The following PDE4D variants were observed in gnomAD, a reference collection of about 807,000 sequenced individuals.
The protein encoded by PDE4D is 3',5'-cyclic-AMP phosphodiesterase 4D.
PDE4D carries 24 observed loss-of-function variants against 87.4 expected under a neutral mutation model. The ratio of observed to expected loss-of-function variants is 0.27; its 90% confidence interval spans 0.20 to 0.39. The LOEUF is 0.39. Ranked by LOEUF, PDE4D falls within the 10% of genes least tolerant of loss-of-function variation. The pLI is 1.00. For synonymous variants in PDE4D, 384 were observed against 383.2 expected (o/e 1.00, Z -0.02); for missense variants, 714 against 1,041.0 (o/e 0.69, Z 4.32).
intron 1 of PDE4D, among the ~76,000 whole-genome samples, chr5:60,382,475 C>A (rs1761929230): frequency 6.6e-6 from 1 of 152,118 alleles, no homozygotes; most frequent in Admixed American, 6.6e-5. Flanking sequence ...TCAACTCAAG[C>A]CACTCACTTT....
chr5:59,117,652 G>A (rs78671752), intron 5 of PDE4D, among the ~76,000 whole-genome samples: 32 of 152,180 alleles, frequency 2.1e-4, no homozygotes, highest in East Asian at 7.7e-4. Flanking sequence ...CTGCAGAATC[G>A]CTGTTGCAGG....
At chr5:60,442,201 C>CTT (rs1157550886) in intron 1 of PDE4D, among the ~76,000 whole-genome samples, 2 of 152,110 alleles carry the variant, frequency 1.3e-5, no homozygotes, top group Non-Finnish European at 1.5e-5. Context: ...AAATGCCCAT[C>CTT]AATGATAGAC....
chr5:59,277,169 C>T (rs940369906), intron 1 of PDE4D, among the ~76,000 whole-genome samples: 2 of 152,238 alleles, frequency 1.3e-5, no homozygotes, highest in African/African-American at 2.4e-5. Flanking sequence ...AAATGTAGTA[C>T]GGCATCCGCC....
At chr5:59,099,298 G>T (rs1049910619) in intron 5 of PDE4D, among the ~76,000 whole-genome samples, 18 of 152,298 alleles carry the variant, frequency 1.2e-4, no homozygotes, top group East Asian at 1.2e-3. Context: ...TGATCTATCA[G>T]TAAAGATCCG....
intron 1 of PDE4D, among the ~76,000 whole-genome samples, chr5:59,614,490 T>G (rs1829408896): frequency 6.6e-6 from 1 of 152,220 alleles, no homozygotes; most frequent in Non-Finnish European, 1.5e-5. Flanking sequence ...TTGCTTCTAT[T>G]ATTGCATACA....
chr5:59,736,353 A>G (rs6450528), intron 1 of PDE4D, among the ~76,000 whole-genome samples: 73,592 of 151,938 alleles, frequency 0.48, 18,490 homozygotes, highest in African/African-American at 0.55. Context: ...ATTCTGGGGC[A>G]CTGTAACTTG....
chr5:60,016,581 C>T (rs1042309510), intron 2 of PDE4D, among the ~76,000 whole-genome samples: 19 of 152,174 alleles, frequency 1.2e-4, no homozygotes, highest in Non-Finnish European at 2.2e-4. Flanking sequence ...CCTGCCACTG[C>T]TTTATCAAGT....
chr5:59,652,801 C>T (rs767295557), intron 1 of PDE4D, among the ~76,000 whole-genome samples: 5 of 151,720 alleles, frequency 3.3e-5, no homozygotes, highest in Non-Finnish European at 7.4e-5. Context: ...GATCTTATTG[C>T]ATGTTTTTTT....
At chr5:60,314,680 C>T (rs970175111) in intron 1 of PDE4D, among the ~76,000 whole-genome samples, 1 of 151,240 alleles carries the variant, frequency 6.6e-6, no homozygotes, top group Non-Finnish European at 1.5e-5. Context: ...TGTTTCCCTT[C>T]CTGTGTCCAT....
intron 3 of PDE4D, among the ~76,000 whole-genome samples, chr5:59,186,723 C>T (rs1163643119): frequency 6.6e-6 from 1 of 152,166 alleles, no homozygotes; most frequent in Non-Finnish European, 1.5e-5. Context: ...GGAGTTAATG[C>T]TGCTTCCTAA....
At chr5:60,141,030 T>C (rs1216556607) in intron 2 of PDE4D, among the ~76,000 whole-genome samples, 3 of 152,114 alleles carry the variant, frequency 2.0e-5, no homozygotes, top group Non-Finnish European at 4.4e-5. Context: ...ATGAAGACAA[T>C]TATAATTATC....
chr5:59,404,855 C>A (rs758408199), intron 1 of PDE4D, among the ~76,000 whole-genome samples: 3 of 152,124 alleles, frequency 2.0e-5, no homozygotes, highest in Non-Finnish European at 2.9e-5. Context: ...TTTCCCAGAA[C>A]CATTTATTGA....
Position 58,984,051 on chromosome 5 carries a change from CTTACAGCT to C in PDE4D, c.1552+4434_1552+4441del, listed in dbSNP as rs1437076230. Among the ~76,000 whole-genome samples the C allele has an allele frequency of 5.6e-5, 8 of 142,338 alleles. No individual in the cohort carries two copies. In the East Asian group the frequency reaches 1.5e-3, roughly 26 times the overall value. 93.4% of individuals were successfully genotyped at this position (142,338 alleles called of 152,430 possible). A position where few individuals can be genotyped will look rare whatever the true frequency, so the allele number is the denominator to read the frequency against. The stretch of plus-strand genomic sequence containing the variant: ...GTAAGTAAGACTTACACTCACTGTT[CTTACAGCT>C]TTACTAGGCTTAGCCTTGAGTTAGT... On this transcript the variant is annotated intron_variant, in intron 11 of 14. Coordinates refer to ENST00000340635, the MANE Select transcript of PDE4D (RefSeq NM_001104631.2).
chr5:59,407,874 G>T (rs1791971338), intron 1 of PDE4D, among the ~76,000 whole-genome samples: 1 of 152,152 alleles, frequency 6.6e-6, no homozygotes, highest in Non-Finnish European at 1.5e-5. Context: ...AATAACCTAT[G>T]CTCAGATGCA....
chr5:59,463,154 A>C (rs942332865), intron 1 of PDE4D, among the ~76,000 whole-genome samples: 1 of 152,230 alleles, frequency 6.6e-6, no homozygotes, highest in African/African-American at 2.4e-5. Context: ...TATGTGTTAC[A>C]TAAATTGCTG....
chr5:59,146,166 A>G (rs1417431090), intron 5 of PDE4D, among the ~76,000 whole-genome samples: 1 of 152,086 alleles, frequency 6.6e-6, no homozygotes, highest in African/African-American at 2.4e-5. Context: ...CACACCCAAT[A>G]TCTTGTTCTT....
chr5:60,369,831 A>T (rs1561174860), intron 1 of PDE4D, among the ~76,000 whole-genome samples: 1 of 151,570 alleles, frequency 6.6e-6, no homozygotes, highest in African/African-American at 2.4e-5. Context: ...ATGCACACAC[A>T]AAAAAAAATC....
At chr5:59,697,256 A>T (rs1215175943) in intron 1 of PDE4D, among the ~76,000 whole-genome samples, 5 of 152,252 alleles carry the variant, frequency 3.3e-5, no homozygotes. Context: ...TAGTCCCTGA[A>T]TTTATGTGCT....
At chr5:59,596,941 TGGCAATTACAG>T (rs1222358933) in intron 1 of PDE4D, among the ~76,000 whole-genome samples, 1 of 152,066 alleles carries the variant, frequency 6.6e-6, no homozygotes, top group Non-Finnish European at 1.5e-5. Context: ...AAAGAGACAG[TGGCAATTACAG>T]GGAGAAGGCA....
Sources: gnomAD v4.1 joint callset for allele counts (sites outside exome capture counted in the v4.1 genomes callset) on GRCh38, gnomAD v4.1.1 for gene constraint, MANE v1.5 for transcripts, NCBI Gene and HGNC (gene_info 2026-07-23, HGNC 2026-07-21) for gene names.